TMEM182: variants seen among roughly 807,000 people sequenced by gnomAD.
TMEM182 encodes transmembrane protein 182.
A neutral mutation model predicts 26.8 loss-of-function variants in TMEM182; 20 were observed. The observed-to-expected ratio is 0.75, with a 90% CI of 0.53 to 1.09. The LOEUF (loss-of-function observed/expected upper bound fraction) is 1.09, where lower values mean the gene tolerates loss of function less well. Among genes scored for constraint, TMEM182 ranks in the 50% least tolerant of loss-of-function variants. The probability of loss-of-function intolerance (pLI) is 0.00; values close to 1 mark genes in which losing one functional copy is unlikely to be tolerated. For missense variants in TMEM182, 277 were observed against 275.5 expected, an observed-to-expected ratio of 1.01 and a Z score of -0.04; for synonymous variants, 109 against 102.2, an observed-to-expected ratio of 1.07 and a Z score of -0.40.
At chr2:102,768,413 C>T (rs1680538474) in intron 3 of TMEM182, among the ~76,000 whole-genome samples, 1 of 151,780 alleles carries the variant, frequency 6.6e-6, no homozygotes, top group African/African-American at 2.4e-5. Context: ...TTTGGCCAGG[C>T]ATGGTAGCCA....
intron 3 of TMEM182, among the ~76,000 whole-genome samples, chr2:102,827,960 G>C (rs1337955730): frequency 6.6e-6 from 1 of 152,056 alleles, no homozygotes; most frequent in Non-Finnish European, 1.5e-5. Flanking sequence ...GTGTGATTGT[G>C]GGCGCCTGTA....
At chr2:102,823,313 A>C (rs1269972963) in intron 3 of TMEM182, among the ~76,000 whole-genome samples, 2 of 152,122 alleles carry the variant, frequency 1.3e-5, no homozygotes, top group African/African-American at 4.8e-5. Flanking sequence ...TCAACACTAG[A>C]TTCAAGAGTT....
downstream of TMEM182, among the ~76,000 whole-genome samples, chr2:102,820,747 G>A (rs1558791233): frequency 6.6e-6 from 1 of 152,232 alleles, no homozygotes; most frequent in Non-Finnish European, 1.5e-5. Flanking sequence ...GCTTTGTGAT[G>A]AAGTTGGAGA....
At chr2:102,832,367 A>C (rs1184168624) in intron 3 of TMEM182, among the ~76,000 whole-genome samples, 1 of 152,186 alleles carries the variant, frequency 6.6e-6, no homozygotes, top group South Asian at 2.1e-4. Flanking sequence ...CACAATTCTC[A>C]TCGAAAAAGA....
chr2:102,804,115 T>A (rs1025540552), intron 4 of TMEM182, among the ~76,000 whole-genome samples: 1 of 152,148 alleles, frequency 6.6e-6, no homozygotes, highest in African/African-American at 2.4e-5. Context: ...TCTTTTTTTC[T>A]TTTTTTTCCT....
At chr2:102,764,790 T>G (rs1265397917) in intron 3 of TMEM182, among the ~76,000 whole-genome samples, 1 of 151,676 alleles carries the variant, frequency 6.6e-6, no homozygotes, top group Non-Finnish European at 1.5e-5. Flanking sequence ...CTTCTAAAAC[T>G]TTATGTCATC....
At chr2:102,776,802 T>C (rs1381373574) in intron 3 of TMEM182, among the ~76,000 whole-genome samples, 3 of 152,216 alleles carry the variant, frequency 2.0e-5, no homozygotes, top group East Asian at 1.9e-4. Flanking sequence ...TCTATATCCT[T>C]GTCAGCATTT....
intron 3 of TMEM182, among the ~76,000 whole-genome samples, chr2:102,792,069 C>T (rs1681670181): frequency 6.6e-6 from 1 of 150,464 alleles, no homozygotes; most frequent in Non-Finnish European, 1.5e-5. Flanking sequence ...CACACACACA[C>T]ACATTTATAG....
intron 4 of TMEM182, among the ~76,000 whole-genome samples, chr2:102,809,426 CA>C (rs1428829599): frequency 1.3e-5 from 2 of 152,204 alleles, no homozygotes; most frequent in Non-Finnish European, 2.9e-5. Context: ...CTATCCTTAG[CA>C]CACTTACCCA....
chr2:102,815,486 T>C lies in TMEM182; in HGVS notation c.*518T>C. On this transcript the variant is annotated 3_prime_UTR_variant, in exon 5 of 5. Transcript: ENST00000412401. ...TAAAAATAGACAGCAGTTGTTCTAA[T>C]TAGTGGGAGCCATGTACTCACCAGT... 1 of 988,010 alleles carries C rather than the reference T, an allele frequency of 1.0e-6. No individual in the cohort carries two copies. Among genetic ancestry groups the C allele is most frequent in the African/African-American group, 1.7e-5 (1 of 57,382 alleles). 61.2% of individuals were successfully genotyped at this position (988,010 alleles called of 1,614,324 possible).
chr2:102,843,122 G>A (rs1683385526), intron 3 of TMEM182, among the ~76,000 whole-genome samples: 1 of 152,214 alleles, frequency 6.6e-6, no homozygotes, highest in Admixed American at 6.5e-5. Context: ...GCTCCCCGAT[G>A]TGTGCCAGGG....
At chr2:102,813,799 G>A (rs1378830461) in intron 4 of TMEM182, among the ~76,000 whole-genome samples, 1 of 152,166 alleles carries the variant, frequency 6.6e-6, no homozygotes, top group East Asian at 1.9e-4. Context: ...AATTCCAAGA[G>A]TGTTTGGAAC....
At chr2:102,827,261 C>CT (rs1396947929) in intron 3 of TMEM182, among the ~76,000 whole-genome samples, 2 of 152,340 alleles carry the variant, frequency 1.3e-5, no homozygotes, top group East Asian at 1.9e-4. Context: ...CTTCTCTTTT[C>CT]TTTTTGTATA....
At chr2:102,839,989 A>AGCAACAAAG (rs1433908801) in intron 3 of TMEM182, among the ~76,000 whole-genome samples, 14 of 152,244 alleles carry the variant, frequency 9.2e-5, no homozygotes, top group Non-Finnish European at 2.9e-5. Context: ...GAGAAAAAGC[A>AGCAACAAAG]GCAACAAAGC....
intron 3 of TMEM182, among the ~76,000 whole-genome samples, chr2:102,836,732 A>C (rs943711127): frequency 1.3e-5 from 2 of 152,170 alleles, no homozygotes; most frequent in African/African-American, 4.8e-5. Flanking sequence ...TAAAGGACTC[A>C]CTCAGAGTGC....
intron 1 of TMEM182, among the ~76,000 whole-genome samples, chr2:102,740,596 A>G (rs905353683): frequency 6.6e-6 from 1 of 152,200 alleles, no homozygotes; most frequent in African/African-American, 2.4e-5. Flanking sequence ...ACCTGGGCCA[A>G]TAATGCTGGT....
chr2:102,780,003 T>TG (rs1257872082), intron 3 of TMEM182, among the ~76,000 whole-genome samples: 5 of 151,392 alleles, frequency 3.3e-5, no homozygotes, highest in Non-Finnish European at 5.9e-5. Flanking sequence ...AACTCTGTCT[T>TG]GGGAAAAAAA....
intron 3 of TMEM182, among the ~76,000 whole-genome samples, chr2:102,791,553 G>A (rs888515277): frequency 1.3e-5 from 2 of 152,192 alleles, no homozygotes; most frequent in African/African-American, 4.8e-5. Flanking sequence ...TGCCCAAGGA[G>A]CTCTTCATAG....
chr2:102,798,078 G>A, intron 4 of TMEM182, 78 bp downstream of exon 4: 1 of 1,517,622 alleles, frequency 6.6e-7, no homozygotes, highest in South Asian at 1.3e-5. Flanking sequence ...CTATATTCAG[G>A]CGTCAGCCTT....
Sources: gnomAD v4.1 joint callset for allele counts (sites outside exome capture counted in the v4.1 genomes callset) on GRCh38, gnomAD v4.1.1 for gene constraint, MANE v1.5 for transcripts, NCBI Gene and HGNC (gene_info 2026-07-23, HGNC 2026-07-21) for gene names.